TARBP1: variants seen among roughly 807,000 people sequenced by gnomAD.
The protein encoded by TARBP1 is tRNA (guanosine(18)-2'-O)-methyltransferase TARBP1.
A neutral mutation model predicts 178.6 loss-of-function variants in TARBP1; 144 were observed. The ratio of observed to expected loss-of-function variants is 0.81; its 90% confidence interval spans 0.70 to 0.93. The LOEUF (loss-of-function observed/expected upper bound fraction) is 0.93. Among genes scored for constraint, TARBP1 ranks in the 40% least tolerant of loss-of-function variants. TARBP1 has a pLI of 0.00. For missense variants in TARBP1, 2,067 were observed against 2,011.7 expected, an observed-to-expected ratio of 1.03 and a Z score of -0.53; for synonymous variants, 787 against 781.0, an observed-to-expected ratio of 1.01 and a Z score of -0.13.
In TARBP1 at chr1:234,457,694, T is replaced by A. The variant is rs758462085; in HGVS notation, c.1695A>T (p.Leu565Phe). ...CTGTCCACAATGAAGTTCCTCGTCC[T>A]AAGGATTCCTCTTGTCTCAGAGACA... ...FLMSLRQEES[L>F]GRGTSLWTEL... Residue 565 changes from leucine to phenylalanine, a missense_variant, in exon 9 of 30, where the codon TTA becomes TTT. Transcript: ENST00000040877. The A allele has an allele frequency of 1.3e-5, 21 of 1,609,572 alleles. No homozygotes were observed. The East Asian group carries it at 4.7e-4, about 36-fold the overall frequency.
intron 22 of TARBP1, among the ~76,000 whole-genome samples, chr1:234,412,596 T>A (rs1305508172): frequency 6.6e-6 from 1 of 152,118 alleles, no homozygotes; most frequent in African/African-American, 2.4e-5. Context: ...TTGAGCCCAG[T>A]TGTTCAAAGC....
chr1:234,410,658 G>A (rs1297002150), intron 22 of TARBP1, 127 bp from the exon 23 acceptor site: 1 of 597,726 alleles, frequency 1.7e-6, no homozygotes, highest in Admixed American at 3.5e-5. Flanking sequence ...AACAGCCCGG[G>A]GTCTGGGTGG....
In TARBP1 at chr1:234,450,612, A is replaced by AG. The variant is rs762556048; in HGVS notation, c.1723-47_1723-46insC. Reference sequence around the variant, plus strand: ...TACTTTATTTTAAAAACCTAACCAAACAAAGGATTTCTAATCTCCTTAAGC... The same window carrying AG: ...TACTTTATTTTAAAAACCTAACCAAAGCAAAGGATTTCTAATCTCCTTAAGC... On this transcript the variant is annotated intron_variant, in intron 9 of 29. Coordinates refer to ENST00000040877, the MANE Select transcript of TARBP1 (RefSeq NM_005646.4). 1.4e-4 allele frequency: 226 copies of AG among 1,579,182 alleles called. 1 individual carries two copies. Among genetic ancestry groups the AG allele is most frequent in the Non-Finnish European group, 1.7e-5 (20 of 1,167,720 alleles).
chr1:234,450,567 C>T lies in TARBP1; in HGVS notation c.1723-1G>A. 6.2e-7 allele frequency: 1 copy of T among 1,606,868 alleles called. No individual in the cohort carries two copies. The highest frequency in any genetic ancestry group is 8.5e-7 in the Non-Finnish European group (1 of 1,177,826). On this transcript the variant is annotated splice_acceptor_variant, in intron 9 of 29. Coordinates refer to ENST00000040877, the MANE Select transcript of TARBP1 (RefSeq NM_005646.4). LOFTEE classifies it high-confidence loss of function. ...CATTAACACGTAGCCAGTCACACAG[C>T]TGGAAAAGAAAACAGTTATTACTTT...
At chr1:234,445,969 GCC>G (rs1219979028) in intron 12 of TARBP1, among the ~76,000 whole-genome samples, 13 of 152,142 alleles carry the variant, frequency 8.5e-5, no homozygotes, top group African/African-American at 2.4e-4. Context: ...TCAAATGTAT[GCC>G]CTTAAGGAGT....
chr1:234,433,698 T>C, intron 13 of TARBP1, 127 bp from the exon 14 acceptor site: 1 of 913,066 alleles, frequency 1.1e-6, no homozygotes. Context: ...AAATAAGTTC[T>C]TTTCTCCAAG....
intron 23 of TARBP1, chr1:234,407,350 T>G (rs1385107289): frequency 2.0e-5 from 3 of 151,456 alleles, no homozygotes; most frequent in Non-Finnish European, 4.4e-5. Context: ...CCTTTTTTTT[T>G]TTTTTGAGAT....
intron 6 of TARBP1, among the ~76,000 whole-genome samples, 187 bp from the exon 7 acceptor site, chr1:234,460,583 C>G (rs1003898142): frequency 1.3e-5 from 2 of 152,086 alleles, no homozygotes; most frequent in African/African-American, 4.8e-5. Flanking sequence ...AACCCAGAAC[C>G]CTCACACAAT....
At chr1:234,443,198 G>A (rs1196539184) in intron 12 of TARBP1, among the ~76,000 whole-genome samples, 1 of 150,922 alleles carries the variant, frequency 6.6e-6, no homozygotes, top group South Asian at 2.1e-4. Context: ...GCTGAGGCAG[G>A]ACAATCACTT....
rs572893828 is a variant in TARBP1, at chr1:234,457,585, T to C, written c.1722+82A>G. On this transcript the variant is annotated intron_variant, in intron 9 of 29. Transcript: ENST00000040877. ...ATAACAAAGCAATCATTATATTTTA[T>C]ATAAATGGCTACTAAGAAATTCATT... 7.9e-5 allele frequency: 68 copies of C among 858,392 alleles called. 1 individual carries two copies. The South Asian group carries it at 1.1e-3, about 14-fold the overall frequency. 53.2% of individuals were successfully genotyped at this position (858,392 alleles called of 1,614,324 possible). A position where few individuals can be genotyped will look rare whatever the true frequency, so the allele number is the denominator to read the frequency against.
chr1:234,400,741 T>C (rs1250278361), intron 25 of TARBP1: 2 of 152,622 alleles, frequency 1.3e-5, no homozygotes, highest in Non-Finnish European at 2.9e-5. Flanking sequence ...TGAGGTGATG[T>C]ATCATCTCCT....
chr1:234,469,913 G>A (rs573559600), intron 3 of TARBP1, among the ~76,000 whole-genome samples: 3 of 152,238 alleles, frequency 2.0e-5, no homozygotes, highest in African/African-American at 4.8e-5. Context: ...AAGAAACACT[G>A]GAAAAGATAT....
intron 13 of TARBP1, among the ~76,000 whole-genome samples, chr1:234,436,186 T>C (rs1428294004): frequency 6.6e-6 from 1 of 152,182 alleles, no homozygotes; most frequent in Non-Finnish European, 1.5e-5. Flanking sequence ...TGTTATATAA[T>C]GGGTCATCAT....
chr1:234,433,352 T>G, intron 14 of TARBP1, 58 bp downstream of exon 14: 1 of 1,519,578 alleles, frequency 6.6e-7, no homozygotes, highest in Non-Finnish European at 9.0e-7. Flanking sequence ...GAACTGAATA[T>G]GTATTCCCTG....
chr1:234,392,308 C>A (rs765772958), intron 29 of TARBP1, 108 bp downstream of exon 29: 12 of 1,404,330 alleles, frequency 8.5e-6, no homozygotes, highest in Non-Finnish European at 1.2e-5. Context: ...TACACTCCAG[C>A]CTGGGCTACA....
intron 3 of TARBP1, among the ~76,000 whole-genome samples, chr1:234,469,582 C>T (rs1291146723): frequency 6.6e-6 from 1 of 152,172 alleles, no homozygotes; most frequent in Non-Finnish European, 1.5e-5. Context: ...AGCTCAATTC[C>T]TAAGGGGTCA....
At chr1:234,414,396 T>A (rs1051123351) in intron 22 of TARBP1, among the ~76,000 whole-genome samples, 1 of 151,850 alleles carries the variant, frequency 6.6e-6, no homozygotes, top group Admixed American at 6.6e-5. Context: ...AATAAGAAAT[T>A]AATAATAATA....
At chr1:234,457,273 C>A (rs1667375672) in intron 9 of TARBP1, among the ~76,000 whole-genome samples, 1 of 152,084 alleles carries the variant, frequency 6.6e-6, no homozygotes, top group South Asian at 2.1e-4. Flanking sequence ...TCAGAATTAC[C>A]AAAACATAAG....
chr1:234,419,707 T>C (rs1289612340), intron 21 of TARBP1, among the ~76,000 whole-genome samples: 3 of 152,124 alleles, frequency 2.0e-5, no homozygotes, highest in Non-Finnish European at 4.4e-5. Flanking sequence ...TAATGCATCC[T>C]TATGTTTAAT....
Sources: gnomAD v4.1 joint callset for allele counts (sites outside exome capture counted in the v4.1 genomes callset) on GRCh38, gnomAD v4.1.1 for gene constraint, MANE v1.5 for transcripts, NCBI Gene and HGNC (gene_info 2026-07-23, HGNC 2026-07-21) for gene names.